The following RABGAP1 variants were observed in gnomAD, a reference collection of about 807,000 sequenced individuals.
RABGAP1 encodes the protein rab GTPase-activating protein 1.
Under a neutral mutation model 137.6 loss-of-function variants are expected in RABGAP1, and 23 were observed. The observed-to-expected ratio is 0.17, with a 90% CI of 0.12 to 0.24. RABGAP1 has a LOEUF of 0.24. RABGAP1 is among the 10% of genes least tolerant of loss of function. RABGAP1 has a pLI of 1.00. For missense variants in RABGAP1, 906 were observed against 1,275.8 expected, an observed-to-expected ratio of 0.71 and a Z score of 4.42; for synonymous variants, 451 against 450.7, an observed-to-expected ratio of 1.00 and a Z score of -0.01.
intron 1 of RABGAP1, among the ~76,000 whole-genome samples, chr9:122,956,517 G>A (rs900592695): frequency 6.6e-6 from 1 of 152,092 alleles, no homozygotes; most frequent in Non-Finnish European, 1.5e-5. Flanking sequence ...GGGCGTGGTG[G>A]CAGGCACCTG....
intron 13 of RABGAP1, among the ~76,000 whole-genome samples, chr9:123,056,548 T>G (rs1230685023): frequency 1.4e-5 from 2 of 147,892 alleles, no homozygotes; most frequent in Non-Finnish European, 3.0e-5. Flanking sequence ...GGCAGGGTCA[T>G]GGGACAATAG....
chr9:122,958,546 G>A (rs1407894741), intron 2 of RABGAP1, among the ~76,000 whole-genome samples: 1 of 152,108 alleles, frequency 6.6e-6, no homozygotes, highest in African/African-American at 2.4e-5. Context: ...CTGTCGTGGG[G>A]TGGGGGGAGC....
intron 24 of RABGAP1, among the ~76,000 whole-genome samples, chr9:123,100,382 GATGTGT>G (rs1301271331): frequency 3.5e-4 from 45 of 130,276 alleles, no homozygotes; most frequent in African/African-American, 1.1e-3. Context: ...TGTTTAACCA[GATGTGT>G]GTGTGTGTGT....
chr9:122,957,400 T>A (rs1834583519), intron 2 of RABGAP1, among the ~76,000 whole-genome samples, 191 bp downstream of exon 2: 1 of 152,212 alleles, frequency 6.6e-6, no homozygotes, highest in African/African-American at 2.4e-5. Flanking sequence ...CTGATTAGCT[T>A]TTCCTAAATT....
At chr9:123,067,803 C>T (rs2034225590) in intron 14 of RABGAP1, among the ~76,000 whole-genome samples, 1 of 152,220 alleles carries the variant, frequency 6.6e-6, no homozygotes, top group African/African-American at 2.4e-5. Flanking sequence ...ATACTCCAAA[C>T]ATTTTCCAAA....
At chr9:123,032,656 G>A (rs1202647133) in intron 13 of RABGAP1, among the ~76,000 whole-genome samples, 3 of 152,188 alleles carry the variant, frequency 2.0e-5, no homozygotes, top group East Asian at 1.9e-4. Context: ...TTCAAATGCC[G>A]GCATTTGTTT....
At chr9:122,932,343 T>C in the RABGAP1 span, among the ~76,000 whole-genome samples, 1 of 152,166 alleles carries the variant, frequency 6.6e-6, no homozygotes, top group Non-Finnish European at 1.5e-5. Context: ...CTCCTCAGCC[T>C]CCCAAAGTGC....
chr9:122,959,422 T>G (rs1413876213), intron 2 of RABGAP1, among the ~76,000 whole-genome samples: 1 of 147,824 alleles, frequency 6.8e-6, no homozygotes, highest in African/African-American at 2.5e-5. Flanking sequence ...GGGATCATGA[T>G]CTAATTTATA....
At chr9:122,981,619 C>T (rs1836061006) in intron 2 of RABGAP1, among the ~76,000 whole-genome samples, 1 of 152,210 alleles carries the variant, frequency 6.6e-6, no homozygotes, top group Non-Finnish European at 1.5e-5. Context: ...GCCCAACAGT[C>T]TGTCTTAGCA....
rs1588379708 is a variant in RABGAP1, at chr9:123,074,226, C to T, written c.2110-59C>T. 6 of 1,592,588 alleles carry T rather than the reference C, an allele frequency of 3.8e-6. No individual in the cohort carries two copies. The East Asian group carries it at 1.3e-4, about 36-fold the overall frequency. On this transcript the variant is annotated intron_variant, in intron 16 of 25. Coordinates refer to ENST00000373647, the MANE Select transcript of RABGAP1 (RefSeq NM_012197.4). ...CTATTCCTGGTAGATTTATGAGCCT[C>T]CTTAGTGGGAATTGGACAGATGCAT...
At chr9:123,059,149 C>A (rs2033865339) in intron 13 of RABGAP1, among the ~76,000 whole-genome samples, 2 of 152,228 alleles carry the variant, frequency 1.3e-5, no homozygotes, top group South Asian at 4.2e-4. Flanking sequence ...CTGATTGGTC[C>A]ATGCATTTCA....
chr9:123,103,651 A>C lies in RABGAP1; in HGVS notation c.*438A>C. 1 of 121,784 alleles carries C rather than the reference A, an allele frequency of 8.2e-6. No homozygotes were observed. Among genetic ancestry groups the C allele is most frequent in the African/African-American group, 2.9e-5 (1 of 34,650 alleles). The allele number at this position is 121,784 out of a possible 1,614,324, so 7.5% of individuals were successfully genotyped here. A position where few individuals can be genotyped will look rare whatever the true frequency, so the allele number is the denominator to read the frequency against. ...TATATATATATAGTGGGGGTGGGGCAAGGGATCAGAAATTCAAATAATTCT... is the reference window on the plus strand; with the variant it reads ...TATATATATATAGTGGGGGTGGGGCCAGGGATCAGAAATTCAAATAATTCT... On this transcript the variant is annotated 3_prime_UTR_variant, in exon 26 of 26. Coordinates refer to ENST00000373647, the MANE Select transcript of RABGAP1 (RefSeq NM_012197.4).
intron 13 of RABGAP1, among the ~76,000 whole-genome samples, chr9:123,050,626 C>A (rs1486794422): frequency 1.3e-5 from 2 of 152,202 alleles, no homozygotes; most frequent in African/African-American, 4.8e-5. Flanking sequence ...AGTGAGCCCA[C>A]CAATCGATAC....
intron 6 of RABGAP1, among the ~76,000 whole-genome samples, chr9:122,993,829 A>G (rs1192149559): frequency 6.6e-6 from 1 of 151,604 alleles, no homozygotes; most frequent in African/African-American, 2.4e-5. Context: ...ACGCCCGGCT[A>G]ATTTTTGTAT....
chr9:123,083,533 C>T (rs2034777411), intron 19 of RABGAP1, among the ~76,000 whole-genome samples: 1 of 152,188 alleles, frequency 6.6e-6, no homozygotes, highest in African/African-American at 2.4e-5. Context: ...TTTGGGTTCT[C>T]TGCTACTAAT....
intron 13 of RABGAP1, among the ~76,000 whole-genome samples, chr9:123,038,650 T>C (rs1242395287): frequency 6.6e-6 from 1 of 152,080 alleles, no homozygotes; most frequent in Non-Finnish European, 1.5e-5. Flanking sequence ...AACTGTGGCA[T>C]TGAGATTTTT....
At chr9:122,967,840 C>T (rs768174460) in intron 2 of RABGAP1, among the ~76,000 whole-genome samples, 2 of 151,732 alleles carry the variant, frequency 1.3e-5, no homozygotes, top group African/African-American at 2.4e-5. Context: ...GATTCTCCTG[C>T]CTCAGCCTCC....
At chr9:122,962,129 C>G (rs954708892) in intron 2 of RABGAP1, among the ~76,000 whole-genome samples, 3 of 151,560 alleles carry the variant, frequency 2.0e-5, no homozygotes, top group Non-Finnish European at 4.4e-5. Context: ...GGGAATAGAG[C>G]TATGTTTGAA....
At chr9:123,000,879 A>G (rs1837290458) in intron 10 of RABGAP1, among the ~76,000 whole-genome samples, 1 of 151,942 alleles carries the variant, frequency 6.6e-6, no homozygotes, top group African/African-American at 2.4e-5. Context: ...TCTTTTCAAC[A>G]TAATAGTAGC....
Sources: allele counts gnomAD v4.1 joint callset (sites outside exome capture counted in the v4.1 genomes callset), GRCh38; gene constraint gnomAD v4.1.1; transcripts MANE v1.5; gene names NCBI Gene and HGNC (gene_info 2026-07-23, HGNC 2026-07-21).